The following TEAD4 variants were observed in gnomAD, a reference collection of about 807,000 sequenced individuals.
TEAD4 encodes the protein TEA domain transcription factor 4.
TEAD4 carries 36 observed loss-of-function variants against 52.4 expected under a neutral mutation model. The observed-to-expected ratio is 0.69, with a 90% CI of 0.53 to 0.91. The LOEUF (loss-of-function observed/expected upper bound fraction) is 0.91. Among genes scored for constraint, TEAD4 ranks in the 40% least tolerant of loss-of-function variants. TEAD4 has a pLI of 0.00. For synonymous variants in TEAD4, 220 were observed against 231.0 expected, an observed-to-expected ratio of 0.95 and a Z score of 0.43; for missense variants, 508 against 583.9, an observed-to-expected ratio of 0.87 and a Z score of 1.34.
At chr12:2,985,376 C>A (rs1482867954) in intron 2 of TEAD4, among the ~76,000 whole-genome samples, 1 of 151,504 alleles carries the variant, frequency 6.6e-6, no homozygotes, top group Admixed American at 6.6e-5. Context: ...CAGAGCAAGA[C>A]TCTGTCTCAA....
intron 10 of TEAD4, among the ~76,000 whole-genome samples, chr12:3,023,047 CAGCCT>C (rs1232676342): frequency 1.3e-5 from 2 of 152,210 alleles, no homozygotes; most frequent in East Asian, 3.8e-4. Flanking sequence ...GAGCAGCTCC[CAGCCT>C]GGCTCTCATC....
chr12:3,021,822 C>G lies in TEAD4; in HGVS notation c.724-22C>G, dbSNP rs142283757. On this transcript the variant is annotated intron_variant, in intron 9 of 12. Transcript: ENST00000359864. ...ACCGTCTGGCCTGTGCTCCGTCTCC[C>G]TCAGACCCACTCTCTCCACAGTACA... 1,103 of 1,611,458 alleles carry G rather than the reference C, an allele frequency of 6.8e-4. 1 individual carries two copies. Among genetic ancestry groups the G allele is most frequent in the Non-Finnish European group, 8.9e-4 (1,043 of 1,178,170 alleles).
intron 2 of TEAD4, among the ~76,000 whole-genome samples, chr12:2,963,407 C>G (rs1428241042): frequency 6.6e-6 from 1 of 152,190 alleles, no homozygotes; most frequent in Non-Finnish European, 1.5e-5. Flanking sequence ...GTGGCTTTAC[C>G]TTGCCTGTCT....
intron 5 of TEAD4, among the ~76,000 whole-genome samples, chr12:3,016,010 A>C (rs2098264225): frequency 6.6e-6 from 1 of 151,810 alleles, no homozygotes; most frequent in African/African-American, 2.4e-5. Flanking sequence ...TGTCTGAAAA[A>C]ATAATAATCA....
chr12:2,962,429 G>A (rs528542933), intron 2 of TEAD4, among the ~76,000 whole-genome samples: 28 of 150,580 alleles, frequency 1.9e-4, no homozygotes, highest in African/African-American at 4.4e-4. Context: ...TCTGCCTCCC[G>A]GGTTCAAGCG....
intron 3 of TEAD4, among the ~76,000 whole-genome samples, chr12:3,003,991 C>T (rs1381941205): frequency 6.6e-6 from 1 of 152,240 alleles, no homozygotes; most frequent in African/African-American, 2.4e-5. Context: ...ACTGTGGTTC[C>T]CACACTCTAC....
intron 3 of TEAD4, among the ~76,000 whole-genome samples, chr12:3,003,457 G>A (rs2098253283): frequency 1.3e-5 from 2 of 152,188 alleles, no homozygotes; most frequent in Non-Finnish European, 2.9e-5. Context: ...AGCCCAGGCA[G>A]GATTTTGCAG....
intron 10 of TEAD4, among the ~76,000 whole-genome samples, chr12:3,023,515 C>T (rs567187542): frequency 4.6e-5 from 7 of 151,976 alleles, no homozygotes; most frequent in South Asian, 4.2e-4. Context: ...GGGCCAGTTG[C>T]GGTGGCTCAT....
chr12:2,981,939 T>G (rs576569923), intron 2 of TEAD4, among the ~76,000 whole-genome samples: 33 of 152,306 alleles, frequency 2.2e-4, no homozygotes, highest in Admixed American at 9.2e-4. Context: ...CAGGGTGTTT[T>G]CTTCTGAATT....
chr12:3,018,502 T>TG, intron 6 of TEAD4, 43 bp from the exon 7 acceptor site: 1 of 1,613,374 alleles, frequency 6.2e-7, no homozygotes, highest in Non-Finnish European at 8.5e-7. Context: ...GGGCCCCGGG[T>TG]GCACCTGGGG....
chr12:3,032,341 G>A (rs899703491), intron 10 of TEAD4, among the ~76,000 whole-genome samples: 5 of 152,160 alleles, frequency 3.3e-5, no homozygotes, highest in African/African-American at 1.2e-4. Flanking sequence ...GACCCAGCGC[G>A]GCCCTCGGCT....
At chr12:2,961,366 G>T (rs2098215124) in intron 2 of TEAD4, among the ~76,000 whole-genome samples, 1 of 151,936 alleles carries the variant, frequency 6.6e-6, no homozygotes, top group Admixed American at 6.6e-5. Flanking sequence ...GATATCATGT[G>T]TAGGGCTTCT....
chr12:2,962,346 A>ATATATAAATATATATATATATATATT (rs1350931012), intron 2 of TEAD4, among the ~76,000 whole-genome samples: 1 of 128,062 alleles, frequency 7.8e-6, no homozygotes, highest in Non-Finnish European at 1.6e-5. Flanking sequence ...ATATATATAT[A>ATATATAAATATATATATATATATATT]TTTTTTGAGA....
rs552572659 is a variant in TEAD4, at chr12:2,997,809, G to A, written c.226+2817G>A. On this transcript the variant is annotated intron_variant, in intron 3 of 12. Transcript: ENST00000359864. ...GGCTTTGAGGACTTGCTTTTTCGGG[G>A]GGGGGGTGTGTGTGTGTTAAAAAAT... Among the ~76,000 whole-genome samples the A allele has an allele frequency of 9.3e-5, 14 of 151,184 alleles. 1 individual carries two copies. The East Asian group carries it at 2.7e-3, about 29-fold the overall frequency.
intron 2 of TEAD4, among the ~76,000 whole-genome samples, chr12:2,962,307 A>T (rs1432631100): frequency 6.3e-5 from 7 of 110,292 alleles, no homozygotes; most frequent in Admixed American, 1.1e-4. Flanking sequence ...TATAAATATA[A>T]ATATATAAAT....
At chr12:3,002,672 A>G (rs578098473) in intron 3 of TEAD4, among the ~76,000 whole-genome samples, 2 of 152,316 alleles carry the variant, frequency 1.3e-5, no homozygotes, top group African/African-American at 2.4e-5. Context: ...TAGGGATGAG[A>G]GCACACAGTA....
At chr12:3,000,666 C>T (rs111337840) in intron 3 of TEAD4, among the ~76,000 whole-genome samples, 3 of 152,266 alleles carry the variant, frequency 2.0e-5, no homozygotes, top group Admixed American at 6.5e-5. Context: ...AGCAGTGCTC[C>T]AGGCAAGGGG....
At chr12:2,966,417 C>CT (rs113319820) in intron 2 of TEAD4, among the ~76,000 whole-genome samples, 21,267 of 143,134 alleles carry the variant, frequency 0.15, 4,347 homozygotes, top group African/African-American at 0.47. Context: ...CTTTTTCTTT[C>CT]TTTTTTTTTT....
chr12:3,020,908 C>A, intron 9 of TEAD4, 135 bp downstream of exon 9: 1 of 940,888 alleles, frequency 1.1e-6, no homozygotes, highest in South Asian at 2.6e-5. Flanking sequence ...CCCTTCTGCC[C>A]TTCCCCCCAC....
Sources: allele counts gnomAD v4.1 joint callset (sites outside exome capture counted in the v4.1 genomes callset), GRCh38; gene constraint gnomAD v4.1.1; transcripts MANE v1.5; gene names NCBI Gene and HGNC (gene_info 2026-07-23, HGNC 2026-07-21).